LRBA: variants seen among roughly 807,000 people sequenced by gnomAD.
The protein encoded by LRBA is lipopolysaccharide-responsive and beige-like anchor protein.
A neutral mutation model predicts 330.0 loss-of-function variants in LRBA; 176 were observed. That is an observed-to-expected ratio of 0.53 (90% confidence interval 0.47 to 0.60). LRBA has a LOEUF of 0.60. LRBA is among the 20% of genes least tolerant of loss of function. The probability of loss-of-function intolerance (pLI) is 0.00; values close to 1 mark genes in which losing one functional copy is unlikely to be tolerated. For synonymous variants in LRBA, 1,230 were observed against 1,193.0 expected (o/e 1.03, Z -0.64); for missense variants, 3,259 against 3,444.8 (o/e 0.95, Z 1.35).
At chr4:150,916,182 T>TC (rs1732561220) in intron 7 of LRBA, among the ~76,000 whole-genome samples, 1 of 152,234 alleles carries the variant, frequency 6.6e-6, no homozygotes, top group African/African-American at 2.4e-5. Flanking sequence ...AGATATTTCC[T>TC]ACTTGTATCT....
chr4:150,570,245 T>A (rs530368041), intron 40 of LRBA, among the ~76,000 whole-genome samples: 1 of 152,130 alleles, frequency 6.6e-6, no homozygotes, highest in Non-Finnish European at 1.5e-5. Flanking sequence ...TCCAAGTTCT[T>A]TTGGAGAACA....
chr4:150,791,649 T>C (rs769724280), intron 34 of LRBA, among the ~76,000 whole-genome samples: 1 of 152,136 alleles, frequency 6.6e-6, no homozygotes, highest in Non-Finnish European at 1.5e-5. Context: ...AAATTCTAAA[T>C]GTACAGAATA....
intron 37 of LRBA, among the ~76,000 whole-genome samples, chr4:150,651,128 T>C (rs554546131): frequency 6.6e-6 from 1 of 152,304 alleles, no homozygotes; most frequent in Non-Finnish European, 1.5e-5. Context: ...CTAATTATTA[T>C]ACTGTAAAGC....
intron 40 of LRBA, among the ~76,000 whole-genome samples, chr4:150,496,646 T>C (rs1759622203): frequency 6.6e-6 from 1 of 152,128 alleles, no homozygotes; most frequent in Non-Finnish European, 1.5e-5. Flanking sequence ...TAAAAATTAC[T>C]ATTCCTAAGG....
At chr4:150,490,825 C>T (rs190881449) in intron 41 of LRBA, 93 bp downstream of exon 41, 8 of 608,956 alleles carry the variant, frequency 1.3e-5, no homozygotes, top group Non-Finnish European at 1.9e-5. Context: ...CTACAAATAA[C>T]TATCTAAATT....
chr4:150,890,423 T>C (rs1729342160), intron 17 of LRBA, among the ~76,000 whole-genome samples: 1 of 151,470 alleles, frequency 6.6e-6, no homozygotes, highest in Non-Finnish European at 1.5e-5. Context: ...TTCCAGCAAA[T>C]AGCCAGGCTA....
intron 2 of LRBA, among the ~76,000 whole-genome samples, chr4:150,985,781 A>C (rs1360066549): frequency 6.6e-6 from 1 of 152,146 alleles, no homozygotes; most frequent in Non-Finnish European, 1.5e-5. Flanking sequence ...TACAGGCGTG[A>C]GCCACCGCGC....
chr4:150,882,010 C>T (rs1728450218), intron 17 of LRBA, among the ~76,000 whole-genome samples: 2 of 151,596 alleles, frequency 1.3e-5, no homozygotes, highest in Non-Finnish European at 2.9e-5. Flanking sequence ...CGCTTCAACC[C>T]GAGAGGCAGA....
Position 150,683,655 on chromosome 4 carries a change from T to C in LRBA, c.5817A>G (p.Ile1939Met). 1 of 1,613,734 alleles carries C rather than the reference T, an allele frequency of 6.2e-7. No individual in the cohort carries two copies. The highest frequency in any genetic ancestry group is 8.5e-7 in the Non-Finnish European group (1 of 1,179,738). ...REDEKMCDHLIRAAKYRDHVT... is the reference protein window; with the variant it reads ...REDEKMCDHLMRAAKYRDHVT... Reference sequence around the variant, plus strand: ...CGTGGTCACGATATTTTGCTGCTCTTATCAAATGATCACACATCTTCTCAT... The same window carrying C: ...CGTGGTCACGATATTTTGCTGCTCTCATCAAATGATCACACATCTTCTCAT... The change falls in exon 37 of 57, where the codon ATA (isoleucine) becomes ATG (methionine). Residue 1939 changes from isoleucine to methionine, a missense_variant. Ile to Met is a conservative substitution (Grantham distance 10). Coordinates refer to ENST00000651943, the MANE Select transcript of LRBA (RefSeq NM_001364905.1).
At chr4:150,652,400 T>A (rs923575337) in intron 37 of LRBA, among the ~76,000 whole-genome samples, 1 of 152,188 alleles carries the variant, frequency 6.6e-6, no homozygotes, top group Non-Finnish European at 1.5e-5. Flanking sequence ...AAGCTGTTTC[T>A]GCATGCATCC....
At chr4:150,308,483 C>T (rs1450779579) in intron 52 of LRBA, among the ~76,000 whole-genome samples, 1 of 152,012 alleles carries the variant, frequency 6.6e-6, no homozygotes, top group African/African-American at 2.4e-5. Context: ...ACTTATTATC[C>T]CATACTTTTT....
intron 46 of LRBA, among the ~76,000 whole-genome samples, chr4:150,426,429 A>C: frequency 6.6e-6 from 1 of 151,990 alleles, no homozygotes; most frequent in East Asian, 1.9e-4. Context: ...TAGTAGAAAA[A>C]ATAATTGGGT....
At chr4:150,718,164 A>G (rs565201653) in intron 36 of LRBA, among the ~76,000 whole-genome samples, 14 of 152,138 alleles carry the variant, frequency 9.2e-5, no homozygotes, top group Non-Finnish European at 2.1e-4. Flanking sequence ...TGATGTCATG[A>G]CATTCATGGA....
intron 2 of LRBA, among the ~76,000 whole-genome samples, chr4:150,942,590 T>C (rs1372560894): frequency 6.6e-6 from 1 of 152,204 alleles, no homozygotes. Context: ...CTACTTACTA[T>C]ATTCTGGGTC....
At chr4:150,930,069 C>T (rs1561020948) in intron 2 of LRBA, among the ~76,000 whole-genome samples, 1 of 151,902 alleles carries the variant, frequency 6.6e-6, no homozygotes, top group Admixed American at 6.5e-5. Context: ...AATCCCAGCA[C>T]TTTGGGAGAC....
At chr4:150,836,892 G>T (rs1190334829) in intron 28 of LRBA, among the ~76,000 whole-genome samples, 1 of 152,154 alleles carries the variant, frequency 6.6e-6, no homozygotes, top group South Asian at 2.1e-4. Flanking sequence ...ATGTTAGGGT[G>T]TCAATTTTAG....
Position 150,694,462 on chromosome 4 carries a change from C to CA in LRBA, c.5755-10746dup, listed in dbSNP as rs58558446. Among the ~76,000 whole-genome samples, 585 of 71,038 alleles carry CA rather than the reference C, an allele frequency of 8.2e-3. 79 individuals are homozygous for CA. Among genetic ancestry groups the CA allele is most frequent in the African/African-American group, 0.024 (495 of 20,420 alleles). The allele number at this position is 71,038 out of a possible 152,430, so 46.6% of individuals were successfully genotyped here. A position where few individuals can be genotyped will look rare whatever the true frequency, so the allele number is the denominator to read the frequency against. On this transcript the variant is annotated intron_variant, in intron 36 of 56. Transcript: ENST00000651943. ...CCTTACCTTAAAGTGTGATCTTTAA[C>CA]AAAAAAAAAAAAAAGCTATCTACAG...
intron 36 of LRBA, among the ~76,000 whole-genome samples, chr4:150,715,720 C>T (rs900574124): frequency 6.6e-6 from 1 of 152,080 alleles, no homozygotes; most frequent in African/African-American, 2.4e-5. Flanking sequence ...CAGACACTTG[C>T]CAATGAGACC....
intron 40 of LRBA, among the ~76,000 whole-genome samples, chr4:150,566,999 T>C (rs1769213744): frequency 6.6e-6 from 1 of 152,170 alleles, no homozygotes; most frequent in African/African-American, 2.4e-5. Flanking sequence ...CAGCATTTTA[T>C]TAACTTCATT....
Sources: allele counts gnomAD v4.1 joint callset (sites outside exome capture counted in the v4.1 genomes callset), GRCh38; gene constraint gnomAD v4.1.1; transcripts MANE v1.5; gene names NCBI Gene and HGNC (gene_info 2026-07-23, HGNC 2026-07-21).